The following DPP10 variants were observed in gnomAD, a reference collection of about 807,000 sequenced individuals.
DPP10 encodes dipeptidyl peptidase like 10.
In DPP10, 33 loss-of-function variants were observed where a neutral mutation model predicts 120.9. That is an observed-to-expected ratio of 0.27 (90% CI 0.21 to 0.37). DPP10 has a LOEUF of 0.37. DPP10 is among the 10% of genes least tolerant of loss of function. The pLI is 1.00. For synonymous variants in DPP10, 337 were observed against 326.1 expected, an observed-to-expected ratio of 1.03 and a Z score of -0.36; for missense variants, 816 against 942.8, an observed-to-expected ratio of 0.87 and a Z score of 1.76.
chr2:114,972,272 C>G (rs1346065856), intron 1 of DPP10, among the ~76,000 whole-genome samples: 1 of 152,140 alleles, frequency 6.6e-6, no homozygotes, highest in Non-Finnish European at 1.5e-5. Context: ...AGGGAAACAA[C>G]TGATTAGGGC....
chr2:115,547,851 A>T (rs2079609914), intron 5 of DPP10, among the ~76,000 whole-genome samples: 1 of 151,950 alleles, frequency 6.6e-6, no homozygotes, highest in South Asian at 2.1e-4. Flanking sequence ...TACATGTAAG[A>T]TGAGCACTTA....
intron 1 of DPP10, among the ~76,000 whole-genome samples, chr2:115,120,159 T>C (rs767423036): frequency 1.2e-4 from 19 of 152,222 alleles, no homozygotes; most frequent in Non-Finnish European, 2.8e-4. Context: ...GTCATCAGTG[T>C]TGCTGGGTAT....
At chr2:115,534,681 G>A (rs1165987376) in intron 5 of DPP10, among the ~76,000 whole-genome samples, 6 of 150,884 alleles carry the variant, frequency 4.0e-5, no homozygotes, top group East Asian at 2.0e-4. Flanking sequence ...CTGAGGAATC[G>A]CCACACTGAG....
chr2:115,668,400 A>G (rs942586071), intron 5 of DPP10, among the ~76,000 whole-genome samples: 1 of 152,108 alleles, frequency 6.6e-6, no homozygotes, highest in Admixed American at 6.6e-5. Flanking sequence ...TCTGTCTTAC[A>G]TGCTCATTCA....
intron 1 of DPP10, among the ~76,000 whole-genome samples, chr2:115,286,521 T>TATA (rs1158229705): frequency 2.3e-5 from 1 of 43,494 alleles, no homozygotes; most frequent in Non-Finnish European, 5.4e-5. Flanking sequence ...ATAATATATA[T>TATA]ATATAATATA....
intron 1 of DPP10, among the ~76,000 whole-genome samples, chr2:114,514,892 G>A (rs573334372): frequency 6.6e-6 from 1 of 150,912 alleles, no homozygotes; most frequent in South Asian, 2.1e-4. Context: ...TACTCCTATT[G>A]CCAATAGATA....
At chr2:115,291,878 T>C (rs773576039) in intron 1 of DPP10, among the ~76,000 whole-genome samples, 28 of 152,220 alleles carry the variant, frequency 1.8e-4, no homozygotes, top group Admixed American at 5.2e-4. Flanking sequence ...TAAAAATCTA[T>C]TACATGGTTT....
At chr2:115,702,629 A>G (rs2091938704) in intron 7 of DPP10, among the ~76,000 whole-genome samples, 1 of 152,118 alleles carries the variant, frequency 6.6e-6, no homozygotes, top group Non-Finnish European at 1.5e-5. Context: ...GATTTCATTT[A>G]TGTGAAAGTC....
At chr2:114,521,906 C>T (rs1685088891) in intron 1 of DPP10, among the ~76,000 whole-genome samples, 1 of 144,464 alleles carries the variant, frequency 6.9e-6, no homozygotes, top group East Asian at 2.1e-4. Flanking sequence ...TTCCCGGGTT[C>T]ACGCCATTCT....
At chr2:114,958,717 A>G (rs1698393290) in intron 1 of DPP10, among the ~76,000 whole-genome samples, 4 of 152,190 alleles carry the variant, frequency 2.6e-5, no homozygotes, top group Admixed American at 2.6e-4. Flanking sequence ...GTCATACATT[A>G]CTTTTGACTT....
intron 1 of DPP10, among the ~76,000 whole-genome samples, chr2:114,685,631 A>G (rs192288732): frequency 6.6e-6 from 1 of 152,036 alleles, no homozygotes; most frequent in East Asian, 1.9e-4. Flanking sequence ...TTATATTTCC[A>G]TGTTTAGCAA....
intron 3 of DPP10, among the ~76,000 whole-genome samples, chr2:115,425,122 G>T (rs2070336375): frequency 6.6e-6 from 1 of 152,182 alleles, no homozygotes; most frequent in Non-Finnish European, 1.5e-5. Flanking sequence ...GGCTCTAGCA[G>T]AAACTGCAAT....
intron 3 of DPP10, among the ~76,000 whole-genome samples, chr2:115,459,938 T>TATATATATATACACACAC (rs66927327): frequency 3.8e-4 from 49 of 128,524 alleles, no homozygotes; most frequent in African/African-American, 9.6e-4. Flanking sequence ...TATATATATA[T>TATATATATATACACACAC]ACACACACAC....
In DPP10 at chr2:115,715,273, C is replaced by T. The variant is rs569562257; in HGVS notation, c.577-12543C>T. ...AGAATCACTTGAACCCAGGAGGTGG[C>T]GGTTGCAATGAGCCGAGATCGCGCC... On this transcript the variant is annotated intron_variant, in intron 7 of 25. Coordinates refer to ENST00000410059, the MANE Select transcript of DPP10 (RefSeq NM_020868.6). Among the ~76,000 whole-genome samples the T allele has an allele frequency of 6.0e-5, 7 of 115,996 alleles. No individual in the cohort carries two copies. In the South Asian group the frequency reaches 8.7e-4, roughly 14 times the overall value. 76.1% of individuals were successfully genotyped at this position (115,996 alleles called of 152,430 possible).
At chr2:115,261,882 G>A (rs767927081) in intron 1 of DPP10, among the ~76,000 whole-genome samples, 1 of 152,176 alleles carries the variant, frequency 6.6e-6, no homozygotes, top group Non-Finnish European at 1.5e-5. Context: ...TTGCTAGACA[G>A]CTACTAACAG....
intron 5 of DPP10, among the ~76,000 whole-genome samples, chr2:115,618,230 T>G (rs532549229): frequency 4.3e-4 from 66 of 152,270 alleles, no homozygotes; most frequent in African/African-American, 1.5e-3. Context: ...GATGAGTGTT[T>G]TGAAAAAACA....
At chr2:114,877,715 C>T (rs980855018) in intron 1 of DPP10, among the ~76,000 whole-genome samples, 3 of 151,940 alleles carry the variant, frequency 2.0e-5, no homozygotes, top group African/African-American at 2.4e-5. Flanking sequence ...AATAGCATCA[C>T]GATAAATCTA....
chr2:115,295,270 T>TCC (rs746031395), intron 1 of DPP10, among the ~76,000 whole-genome samples: 106 of 152,112 alleles, frequency 7.0e-4, no homozygotes, highest in Non-Finnish European at 9.7e-4. Context: ...GCCAGAAAAG[T>TCC]CCTCCTTTAA....
chr2:114,963,175 C>A lies in DPP10; in HGVS notation c.61-346064C>A, dbSNP rs1377941346. Among the ~76,000 whole-genome samples the A allele has an allele frequency of 3.3e-5, 5 of 152,172 alleles. No individual in the cohort carries two copies. In the East Asian group the frequency reaches 9.6e-4, roughly 29 times the overall value. ...GAAAACATTAGTTACAACCAGCTTT[C>A]AGGTTCATTTTTAAGTATGGGCCAT... is the stretch of plus-strand genomic sequence containing the variant. On this transcript the variant is annotated intron_variant, in intron 1 of 25. Transcript: ENST00000410059.
Sources: allele counts gnomAD v4.1 joint callset (sites outside exome capture counted in the v4.1 genomes callset), GRCh38; gene constraint gnomAD v4.1.1; transcripts MANE v1.5; gene names NCBI Gene and HGNC (gene_info 2026-07-23, HGNC 2026-07-21).